SRSF9: variants seen among roughly 807,000 people sequenced by gnomAD.
The protein encoded by SRSF9 is serine and arginine rich splicing factor 9, also known as serine/arginine-rich splicing factor 9.
SRSF9 carries 3 observed loss-of-function variants against 25.9 expected under a neutral mutation model. The ratio of observed to expected loss-of-function variants is 0.12; its 90% CI spans 0.05 to 0.30. The LOEUF is 0.30. Among genes scored for constraint, SRSF9 ranks in the 10% least tolerant of loss-of-function variants. SRSF9 has a pLI of 1.00. For missense variants in SRSF9, 161 were observed against 303.5 expected (o/e 0.53, Z 3.49); for synonymous variants, 114 against 113.2 (o/e 1.01, Z -0.05).
chr12:120,461,754 CACAAAGACAGA>C lies in SRSF9; in HGVS notation c.*254_*264del, dbSNP rs1292554715. ...TGTTGATCTCCATAGTAGAGCAACC[CACAAAGACAGA>C]ACTGATTTTTTTCCCATAATCAGGG... On this transcript the variant is annotated 3_prime_UTR_variant, in exon 4 of 4. Transcript: ENST00000229390. 1 of 301,896 alleles carries C rather than the reference CACAAAGACAGA, an allele frequency of 3.3e-6. No homozygotes were observed. The highest frequency in any genetic ancestry group is 6.1e-6 in the Non-Finnish European group (1 of 164,238). 18.7% of individuals were successfully genotyped at this position (301,896 alleles called of 1,614,324 possible).
intron 1 of SRSF9, among the ~76,000 whole-genome samples, chr12:120,468,552 T>A (rs995617323): frequency 1.3e-5 from 2 of 152,172 alleles, no homozygotes; most frequent in African/African-American, 4.8e-5. Context: ...CCACCCCAGG[T>A]AGGTCGGACA....
At chr12:120,467,265 T>C (rs891356914) in intron 1 of SRSF9, among the ~76,000 whole-genome samples, 6 of 152,098 alleles carry the variant, frequency 3.9e-5, no homozygotes, top group South Asian at 2.1e-4. Context: ...TCCCAGCACT[T>C]TGGGAGGTGG....
chr12:120,462,934 T>C (rs1878391146), intron 3 of SRSF9: 1 of 152,362 alleles, frequency 6.6e-6, no homozygotes, highest in Non-Finnish European at 1.5e-5. Context: ...GTTCTGTTTC[T>C]GCTTCAAATT....
chr12:120,462,690 C>T (rs1878384164), intron 3 of SRSF9: 2 of 152,226 alleles, frequency 1.3e-5, no homozygotes, highest in Admixed American at 1.3e-4. Context: ...ACCATTTTGC[C>T]CATGAAGGAA....
chr12:120,465,934 C>A, intron 1 of SRSF9, 147 bp from the exon 2 acceptor site: 1 of 750,710 alleles, frequency 1.3e-6, no homozygotes. Flanking sequence ...GATCCTGAAG[C>A]ACTTCTGCTT....
At chr12:120,468,476 C>T (rs1455018257) in intron 1 of SRSF9, among the ~76,000 whole-genome samples, 1 of 152,192 alleles carries the variant, frequency 6.6e-6, no homozygotes, top group Non-Finnish European at 1.5e-5. Flanking sequence ...ACTCTTCAGC[C>T]ATCAACGCCT....
chr12:120,465,911 A>C (rs775432913), intron 1 of SRSF9, 124 bp from the exon 2 acceptor site: 686 of 940,878 alleles, frequency 7.3e-4, no homozygotes, highest in Non-Finnish European at 9.4e-4. Context: ...GAAGAAAAAA[A>C]CACACAAATC....
Position 120,463,921 on chromosome 12 carries a change from A to C in SRSF9, c.522+29T>G, listed in dbSNP as rs763744277. On this transcript the variant is annotated intron_variant, in intron 3 of 3. Transcript: ENST00000229390. ...GGTTCAAGTGGAGTGATTTGAGTAC[A>C]AGCTCCTCAACAGAAGGCAAGGACC... The C allele has an allele frequency of 3.2e-6, 5 of 1,576,902 alleles. No individual in the cohort carries two copies. In the South Asian group the frequency reaches 4.8e-5, roughly 15 times the overall value.
chr12:120,462,809 TC>T (rs1264265569), intron 3 of SRSF9: 2 of 152,198 alleles, frequency 1.3e-5, no homozygotes, highest in African/African-American at 4.8e-5. Flanking sequence ...TCTCAGAAGA[TC>T]CAAAGATGCC....
chr12:120,467,527 A>G (rs1037283124), intron 1 of SRSF9, among the ~76,000 whole-genome samples: 5 of 152,158 alleles, frequency 3.3e-5, no homozygotes, highest in African/African-American at 1.2e-4. Context: ...AAATAAAATT[A>G]GCCTGCATTC....
At chr12:120,462,368 C>G (rs1878370313) in intron 3 of SRSF9, 1 of 478,266 alleles carries the variant, frequency 2.1e-6, no homozygotes, top group Non-Finnish European at 3.6e-6. Flanking sequence ...AAAATTAAGA[C>G]TTAAGTTATA....
chr12:120,463,795 T>C (rs760390002), intron 3 of SRSF9, 155 bp downstream of exon 3: 17 of 811,258 alleles, frequency 2.1e-5, no homozygotes, highest in Non-Finnish European at 3.3e-5. Context: ...CTGAAGGACT[T>C]AGGCATAGCA....
At chr12:120,464,312 A>G in intron 2 of SRSF9, 190 bp from the exon 3 acceptor site, 1 of 561,460 alleles carries the variant, frequency 1.8e-6, no homozygotes, top group Non-Finnish European at 2.9e-6. Flanking sequence ...AACCACCTTG[A>G]GAAGCTGGTT....
chr12:120,468,995 T>A (rs1878561890), intron 1 of SRSF9, among the ~76,000 whole-genome samples: 1 of 151,826 alleles, frequency 6.6e-6, no homozygotes, highest in African/African-American at 2.4e-5. Context: ...ACCCTGCAGC[T>A]TGCTCTCCAG....
chr12:120,462,470 A>AT (rs1276432342), intron 3 of SRSF9: 1 of 224,522 alleles, frequency 4.5e-6, no homozygotes, highest in Admixed American at 5.5e-5. Context: ...ACTGCCATTG[A>AT]CCCCCCTCAA....
chr12:120,462,370 TAA>T, intron 3 of SRSF9: 1 of 474,690 alleles, frequency 2.1e-6, no homozygotes, highest in Non-Finnish European at 3.6e-6. Flanking sequence ...AATTAAGACT[TAA>T]GTTATATCAT....
In SRSF9 at chr12:120,469,657, C is replaced by T; in HGVS notation, c.-48G>A. 1.7e-6 allele frequency: 2 copies of T among 1,201,324 alleles called. No homozygotes were observed. Among genetic ancestry groups the T allele is most frequent in the South Asian group, 6.7e-5 (2 of 29,792 alleles). 74.4% of individuals were successfully genotyped at this position (1,201,324 alleles called of 1,614,324 possible). A position where few individuals can be genotyped will look rare whatever the true frequency, so the allele number is the denominator to read the frequency against. ...CCCGCCGCAGCCCACGTCGCCGCCG[C>T]CGCCTCAGCACGGGTCCCCCCGCAG... On this transcript the variant is annotated 5_prime_UTR_variant, in exon 1 of 4. Coordinates refer to ENST00000229390, the MANE Select transcript of SRSF9 (RefSeq NM_003769.3).
At position 120,469,646 on chromosome 12, in the gene SRSF9, C is replaced by A; in HGVS notation, c.-37G>T. 1 of 1,241,676 alleles carries A rather than the reference C, an allele frequency of 8.1e-7. No homozygotes were observed. The highest frequency in any genetic ancestry group is 3.2e-5 in the South Asian group (1 of 31,508). 76.9% of individuals were successfully genotyped at this position (1,241,676 alleles called of 1,614,324 possible). On this transcript the variant is annotated 5_prime_UTR_variant, in exon 1 of 4. Coordinates refer to ENST00000229390, the MANE Select transcript of SRSF9 (RefSeq NM_003769.3). The stretch of plus-strand genomic sequence containing the variant: ...GACGCCGCGGGCCCGCCGCAGCCCA[C>A]GTCGCCGCCGCCGCCTCAGCACGGG...
chr12:120,462,307 T>TG, intron 3 of SRSF9, 145 bp from the exon 4 acceptor site: 1 of 769,532 alleles, frequency 1.3e-6, no homozygotes, highest in Admixed American at 3.3e-5. Flanking sequence ...TCATTAAACC[T>TG]TCATAACATT....
Sources: gnomAD v4.1 joint callset for allele counts (sites outside exome capture counted in the v4.1 genomes callset) on GRCh38, gnomAD v4.1.1 for gene constraint, MANE v1.5 for transcripts, NCBI Gene and HGNC (gene_info 2026-07-23, HGNC 2026-07-21) for gene names.